FBXW11: variants seen among roughly 807,000 people sequenced by gnomAD.
The protein encoded by FBXW11 is F-box/WD repeat-containing protein 11.
In FBXW11, 19 loss-of-function variants were observed where a neutral mutation model predicts 77.6. The observed-to-expected ratio is 0.24, with a 90% confidence interval of 0.17 to 0.36. The LOEUF (loss-of-function observed/expected upper bound fraction) is 0.36. FBXW11 is among the 10% of genes least tolerant of loss of function. FBXW11 has a pLI of 1.00. For missense variants in FBXW11, 334 were observed against 704.2 expected, an observed-to-expected ratio of 0.47 and a Z score of 5.95; for synonymous variants, 235 against 249.4, an observed-to-expected ratio of 0.94 and a Z score of 0.54.
intron 7 of FBXW11, among the ~76,000 whole-genome samples, chr5:171,884,690 T>C (rs1283714868): frequency 6.6e-6 from 1 of 152,240 alleles, no homozygotes; most frequent in Non-Finnish European, 1.5e-5. Context: ...TTTCACAATA[T>C]TGATTCTACC....
rs201412053 is a variant in FBXW11 at position 171,935,771 on chromosome 5, C to CA, written c.148-21367dup. 4.6e-3 allele frequency among the ~76,000 whole-genome samples: 696 copies of CA among 151,860 alleles called. 1 individual carries two copies. Among genetic ancestry groups the CA allele is most frequent in the Middle Eastern group, 0.021 (6 of 290 alleles). On this transcript the variant is annotated intron_variant, in intron 2 of 13. Transcript: ENST00000517395. Reference sequence around the variant, plus strand: ...ATCCTGAGATGATGCAAAAAATTGTCAAAAAAATTAATGGTAAACATTTAA... The same window carrying CA: ...ATCCTGAGATGATGCAAAAAATTGTCAAAAAAAATTAATGGTAAACATTTAA...
chr5:171,981,226 AC>A lies in FBXW11; in HGVS notation c.46-23529del, dbSNP rs1352798328. Among the ~76,000 whole-genome samples, 2 of 151,980 alleles carry A rather than the reference AC, an allele frequency of 1.3e-5. 1 individual carries two copies. The highest frequency in any genetic ancestry group is 2.9e-5 in the Non-Finnish European group (2 of 67,998). On this transcript the variant is annotated intron_variant, in intron 1 of 13. Transcript: ENST00000517395. ...TATGCCTCTACCAGGAGGATGGTAT[AC>A]CCCAACTTCACAGAGACAGAAGCTC...
intron 2 of FBXW11, among the ~76,000 whole-genome samples, chr5:171,933,698 A>G (rs1762334524): frequency 6.6e-6 from 1 of 152,220 alleles, no homozygotes; most frequent in South Asian, 2.1e-4. Context: ...TCCTCCCACC[A>G]TCACCTGCTT....
chr5:171,880,115 T>C (rs1758402821), intron 7 of FBXW11, among the ~76,000 whole-genome samples: 1 of 152,234 alleles, frequency 6.6e-6, no homozygotes, highest in African/African-American at 2.4e-5. Context: ...TTGTGAAGTA[T>C]ATAGGATCTA....
At chr5:171,941,409 A>G (rs1762748568) in intron 2 of FBXW11, among the ~76,000 whole-genome samples, 1 of 151,834 alleles carries the variant, frequency 6.6e-6, no homozygotes, top group South Asian at 2.1e-4. Context: ...GAAAAAAACT[A>G]AAGAAGTGTG....
rs1230686470 is a variant in FBXW11 at position 171,869,420 on chromosome 5, C to T, written c.1530+309G>A. 1.3e-5 allele frequency among the ~76,000 whole-genome samples: 2 copies of T among 151,924 alleles called. No homozygotes were observed. The highest frequency in any genetic ancestry group is 2.9e-5 in the Non-Finnish European group (2 of 67,966). On this transcript the variant is annotated intron_variant, in intron 12 of 13. Coordinates refer to ENST00000517395, the MANE Select transcript of FBXW11 (RefSeq NM_001378974.1). This position sits in a 1 kb window ranked among gnomAD's most constrained non-coding sequence, Gnocchi z 4.1. ...TTATTAAAACATAACCACAAATAGC[C>T]ATATTAAGAAATCTTCCAAACCTAC...
intron 1 of FBXW11, among the ~76,000 whole-genome samples, chr5:172,003,962 G>A (rs1305868983): frequency 1.3e-5 from 2 of 152,176 alleles, no homozygotes; most frequent in African/African-American, 4.8e-5. Context: ...ACAAATATTT[G>A]AGTACTGAAG....
chr5:171,917,023 C>T (rs1304491676), intron 2 of FBXW11, among the ~76,000 whole-genome samples: 1 of 152,142 alleles, frequency 6.6e-6, no homozygotes, highest in Admixed American at 6.6e-5. Context: ...CGGCTTCAAG[C>T]GATTCTCCCG....
intron 3 of FBXW11, 120 bp downstream of exon 3, chr5:171,914,223 C>T: frequency 1.2e-6 from 1 of 805,808 alleles, no homozygotes; most frequent in Non-Finnish European, 1.9e-6. Flanking sequence ...CTGAAACTAG[C>T]AAAACTGCAC....
chr5:171,990,142 A>G (rs1411568843), intron 1 of FBXW11, among the ~76,000 whole-genome samples: 1 of 149,306 alleles, frequency 6.7e-6, no homozygotes, highest in East Asian at 2.1e-4. Flanking sequence ...AGGAGGGAAG[A>G]AGGGGAAAGA....
At chr5:171,887,585 G>C (rs1759000240) in intron 7 of FBXW11, among the ~76,000 whole-genome samples, 1 of 152,042 alleles carries the variant, frequency 6.6e-6, no homozygotes, top group African/African-American at 2.4e-5. Context: ...GGTAGATGTG[G>C]CAAGGGGTCA....
chr5:171,977,993 T>A (rs954733482), intron 1 of FBXW11, among the ~76,000 whole-genome samples: 2 of 151,988 alleles, frequency 1.3e-5, no homozygotes, highest in Admixed American at 1.3e-4. Flanking sequence ...GGGAACTTAA[T>A]CTATAAGGGT....
At chr5:171,873,174 C>A (rs1281117608) in intron 9 of FBXW11, among the ~76,000 whole-genome samples, 184 bp from the exon 10 acceptor site, 1 of 152,170 alleles carries the variant, frequency 6.6e-6, no homozygotes, top group African/African-American at 2.4e-5. Flanking sequence ...TTCTTGGCTG[C>A]TGAGTAATAA....
In FBXW11 at chr5:171,893,739, A is replaced by G. The variant is rs1185654683; in HGVS notation, c.715-2135T>C. Among the ~76,000 whole-genome samples the G allele has an allele frequency of 3.3e-5, 5 of 152,194 alleles. No individual in the cohort carries two copies. The East Asian group carries it at 9.6e-4, about 29-fold the overall frequency. On this transcript the variant is annotated intron_variant, in intron 6 of 13. Transcript: ENST00000517395. Reference sequence around the variant, plus strand: ...CACGTTATACCCTCTGGGGGCCCACAGAGTTGCTACAGAATGTATGATGTC... The same window carrying G: ...CACGTTATACCCTCTGGGGGCCCACGGAGTTGCTACAGAATGTATGATGTC...
chr5:171,865,768 C>T (rs1757351739), intron 13 of FBXW11, among the ~76,000 whole-genome samples: 1 of 151,820 alleles, frequency 6.6e-6, no homozygotes, highest in Non-Finnish European at 1.5e-5. Flanking sequence ...CAACATACAG[C>T]TCTTAGATGT....
intron 1 of FBXW11, chr5:171,997,073 T>C: frequency 7.8e-7 from 1 of 1,289,654 alleles, no homozygotes; most frequent in Non-Finnish European, 1.0e-6. Context: ...CAGAAAGCAA[T>C]CCATACACCC....
At chr5:171,939,706 AAAAAAAAAAAAAG>A (rs1361871447) in intron 2 of FBXW11, among the ~76,000 whole-genome samples, 2 of 151,360 alleles carry the variant, frequency 1.3e-5, no homozygotes, top group African/African-American at 4.8e-5. Flanking sequence ...CAAAAAAAAA[AAAAAAAAAAAAAG>A]AAAGAAAGAA....
chr5:171,962,108 C>CT lies in FBXW11; in HGVS notation c.46-4411dup, dbSNP rs577775410. On this transcript the variant is annotated intron_variant, in intron 1 of 13. Coordinates refer to ENST00000517395, the MANE Select transcript of FBXW11 (RefSeq NM_001378974.1). ...TAAATTCACAGTACAGACGATTGTC[C>CT]TTTTTTTTTAAGTGAGCAGTGTTCT... 1.5e-3 allele frequency among the ~76,000 whole-genome samples: 233 copies of CT among 151,312 alleles called. 1 individual carries two copies. The highest frequency in any genetic ancestry group is 5.4e-3 in the African/African-American group (225 of 41,322).
chr5:171,939,436 C>T (rs866424490), intron 2 of FBXW11, among the ~76,000 whole-genome samples: 15 of 152,152 alleles, frequency 9.9e-5, no homozygotes, highest in African/African-American at 2.9e-4. Flanking sequence ...GGTGGCTACA[C>T]CTGTAATCCC....
Sources: allele counts gnomAD v4.1 joint callset (sites outside exome capture counted in the v4.1 genomes callset), GRCh38; gene constraint gnomAD v4.1.1; non-coding constraint Gnocchi (gnomAD v3.1); transcripts MANE v1.5; gene names NCBI Gene and HGNC (gene_info 2026-07-23, HGNC 2026-07-21).